ALG13: variants seen among roughly 807,000 people sequenced by gnomAD.
The protein encoded by ALG13 is UDP-N-acetylglucosamine transferase subunit ALG13.
Under a neutral mutation model 87.8 loss-of-function variants are expected in ALG13, and 11 were observed. The ratio of observed to expected loss-of-function variants is 0.13; its 90% CI spans 0.08 to 0.21. ALG13 has a LOEUF of 0.21. ALG13 is among the 10% of genes least tolerant of loss of function. The pLI is 1.00. For missense variants in ALG13, 756 were observed against 866.1 expected (o/e 0.87, Z 1.60); for synonymous variants, 320 against 306.3 (o/e 1.04, Z -0.47).
intron 3 of ALG13, chrX:111,688,497 GTTAGTTGA>G (rs1158707686): frequency 2.4e-5 from 18 of 746,471 alleles, no homozygotes; most frequent in Non-Finnish European, 2.7e-5. Context: ...AGATGATCAA[GTTAGTTGA>G]TCTCTTGTAC....
intron 3 of ALG13, chrX:111,689,602 A>T (rs1386054478): frequency 1.1e-4 from 80 of 751,886 alleles, no homozygotes; most frequent in Non-Finnish European, 1.3e-4. Context: ...TCGATTTTGG[A>T]TTTTTAAGTC....
chrX:111,684,242 G>T (rs1399743062), intron 2 of ALG13, among the ~76,000 whole-genome samples: 1 of 111,859 alleles, frequency 8.9e-6, no homozygotes, highest in Admixed American at 9.5e-5. Flanking sequence ...CATGTTTAAG[G>T]TAGGCTAGGC....
At chrX:111,685,897 A>G (rs933017303) in intron 3 of ALG13, among the ~76,000 whole-genome samples, 1 of 112,111 alleles carries the variant, frequency 8.9e-6, no homozygotes, top group Non-Finnish European at 1.9e-5. Flanking sequence ...TGAGGAACAG[A>G]GGGAAGATTA....
intron 5 of ALG13, among the ~76,000 whole-genome samples, chrX:111,710,653 A>G (rs868035616): frequency 1.2e-4 from 13 of 112,119 alleles, no homozygotes; most frequent in African/African-American, 4.2e-4. Flanking sequence ...GGGTGTATAC[A>G]TAAGTCAAAA....
At chrX:111,757,514 G>GTT in intron 25 of ALG13, 74 bp from the exon 26 acceptor site, 1 of 635,689 alleles carries the variant, frequency 1.6e-6, no homozygotes, top group Non-Finnish European at 2.1e-6. Flanking sequence ...TTTTTTGTCT[G>GTT]TGGGGAACTG....
chrX:111,749,274 G>A (rs180682088), intron 24 of ALG13, among the ~76,000 whole-genome samples: 2 of 110,584 alleles, frequency 1.8e-5, no homozygotes, highest in East Asian at 5.6e-4. Context: ...TGGATCTCCA[G>A]TATTCCAGCA....
Position 111,760,383 on chromosome X carries a change from T to A in ALG13, c.*384T>A, listed in dbSNP as rs186573347. ...GCAGAATTGGAGTAACTTCCACTTT[T>A]TTCTAGAAAGTAAAACCAAGAGCCT... is the stretch of plus-strand genomic sequence containing the variant. On this transcript the variant is annotated 3_prime_UTR_variant, in exon 27 of 27. Transcript: ENST00000394780. The A allele has an allele frequency of 1.7e-4, 21 of 124,891 alleles. No individual in the cohort carries two copies. Among genetic ancestry groups the A allele is most frequent in the Middle Eastern group, 3.8e-3 (1 of 261 alleles). The allele number at this position is 124,891 out of a possible 1,213,427, so 10.3% of individuals were successfully genotyped here. A position where few individuals can be genotyped will look rare whatever the true frequency, so the allele number is the denominator to read the frequency against.
intron 23 of ALG13, among the ~76,000 whole-genome samples, chrX:111,740,430 T>C (rs1256788557): frequency 9.0e-6 from 1 of 111,557 alleles, no homozygotes; most frequent in Non-Finnish European, 1.9e-5. Flanking sequence ...TGAGATATTT[T>C]ATCTTTAAAT....
chrX:111,732,860 C>T (rs1428456795), intron 21 of ALG13, among the ~76,000 whole-genome samples: 1 of 111,607 alleles, frequency 9.0e-6, no homozygotes, highest in Non-Finnish European at 1.9e-5. Context: ...TTACTATTCT[C>T]ATATCATGTG....
Position 111,720,152 on chromosome X carries a change from A to G in ALG13, c.1308A>G (p.Lys436=), listed in dbSNP as rs1423402192. Residue 436 remains lysine (K), a synonymous_variant, in exon 11 of 27, where the codon AAA becomes AAG. Coordinates refer to ENST00000394780, the MANE Select transcript of ALG13 (RefSeq NM_001099922.3). Reference sequence around the variant, plus strand: ...AAAATATACCAGAGGGCTACAATAAAGGAACAGAAGAAACAAAGGTTTGAT... The same window carrying G: ...AAAATATACCAGAGGGCTACAATAAGGGAACAGAAGAAACAAAGGTTTGAT... ...NAENIPEGYN[K]GTEETKSPEN... 6 of 1,185,037 alleles carry G rather than the reference A, an allele frequency of 5.1e-6. No individual in the cohort carries two copies. The highest frequency in any genetic ancestry group is 2.4e-4 in the Middle Eastern group (1 of 4,247).
chrX:111,689,953 A>G (rs1935846842), intron 3 of ALG13: 1 of 752,180 alleles, frequency 1.3e-6, no homozygotes, highest in Non-Finnish European at 1.6e-6. Context: ...AGGACTTAGA[A>G]ATCTGTGATT....
In ALG13 at chrX:111,754,822, TATC is replaced by T. The variant is rs1327360210; in HGVS notation, c.2973+1995_2973+1997del. On this transcript the variant is annotated intron_variant, in intron 25 of 26. Transcript: ENST00000394780. The stretch of plus-strand genomic sequence containing the variant: ...CATGCTTATGGATAGGAAAAATCAA[TATC>T]ATGAAAATGGCCATACTGCCCAAAG... Among the ~76,000 whole-genome samples the T allele has an allele frequency of 1.6e-4, 18 of 112,200 alleles. No homozygotes were observed. The South Asian group carries it at 5.2e-3, about 32-fold the overall frequency.
intron 8 of ALG13, among the ~76,000 whole-genome samples, chrX:111,715,557 A>G (rs1187069012): frequency 9.0e-6 from 1 of 111,382 alleles, no homozygotes; most frequent in African/African-American, 3.3e-5. Context: ...GTGTCTATTA[A>G]AAATACCCAA....
At chrX:111,737,182 G>A (rs1458739941) in intron 23 of ALG13, 1 of 169,014 alleles carries the variant, frequency 5.9e-6, no homozygotes, top group Admixed American at 8.0e-5. Context: ...AGTGAAGATA[G>A]CGATGCTTCT....
Position 111,730,526 on chromosome X carries a change from G to A in ALG13, c.2403G>A (p.Glu801=). Residue 801 remains glutamate, a splice_region_variant and synonymous_variant, in exon 21 of 27, where the codon GAG becomes GAA. Coordinates refer to ENST00000394780, the MANE Select transcript of ALG13 (RefSeq NM_001099922.3). ...TTTTACTTTGGCTATATTCTCTAGA[G>A]CCAGACTATGAAACTTCAGGTGTTT... ...RYHEEYLYRA[E]PDYETSGVYS... 1 of 1,194,269 alleles carries A rather than the reference G, an allele frequency of 8.4e-7. No homozygotes were observed. The highest frequency in any genetic ancestry group is 1.1e-6 in the Non-Finnish European group (1 of 885,744).
In ALG13 at chrX:111,742,979, C is replaced by T. The variant is rs571488538; in HGVS notation, c.2696-1689C>T. Among the ~76,000 whole-genome samples, 13 of 112,017 alleles carry T rather than the reference C, an allele frequency of 1.2e-4. No individual in the cohort carries two copies. The East Asian group carries it at 2.2e-3, about 19-fold the overall frequency. On this transcript the variant is annotated intron_variant, in intron 23 of 26. Coordinates refer to ENST00000394780, the MANE Select transcript of ALG13 (RefSeq NM_001099922.3). Reference sequence around the variant, plus strand: ...CTGAGGATGAGAAGCTCATGCATCTCTATAGAAACTTGAAATTGTAAAAGC... The same window carrying T: ...CTGAGGATGAGAAGCTCATGCATCTTTATAGAAACTTGAAATTGTAAAAGC...
chrX:111,743,772 A>G (rs1349545817), intron 23 of ALG13: 1 of 111,815 alleles, frequency 8.9e-6, no homozygotes, highest in Non-Finnish European at 1.9e-5. Flanking sequence ...TTATAGAATG[A>G]TAAGACTAAA....
rs766393031 is a variant in ALG13 at position 111,700,662 on chromosome X, C to T, written c.384-7365C>T. ...CGTGATCTCGGCTCACTGCAATCTC[C>T]GCCTCCCAGGTTCAAACGATTCACC... On this transcript the variant is annotated intron_variant, in intron 3 of 26. Transcript: ENST00000394780. 8.9e-4 allele frequency among the ~76,000 whole-genome samples: 95 copies of T among 106,890 alleles called. 1 individual carries two copies. Among genetic ancestry groups the T allele is most frequent in the Middle Eastern group, 9.5e-3 (2 of 211 alleles). The allele number at this position is 106,890 out of a possible 115,157, so 92.8% of individuals were successfully genotyped here.
At chrX:111,705,723 A>T (rs988447332) in intron 3 of ALG13, among the ~76,000 whole-genome samples, 3 of 111,616 alleles carry the variant, frequency 2.7e-5, no homozygotes, top group African/African-American at 9.8e-5. Context: ...TTTTCTATTC[A>T]ACTGATTTTG....
Sources: allele counts gnomAD v4.1 joint callset (sites outside exome capture counted in the v4.1 genomes callset), GRCh38; gene constraint gnomAD v4.1.1; transcripts MANE v1.5; gene names NCBI Gene and HGNC (gene_info 2026-07-23, HGNC 2026-07-21).